Variants in ADAM12 observed in about 807,000 individuals in gnomAD.
ADAM12 encodes disintegrin and metalloproteinase domain-containing protein 12.
Under a neutral mutation model 106.4 loss-of-function variants are expected in ADAM12, and 70 were observed. The ratio of observed to expected loss-of-function variants is 0.66; its 90% CI spans 0.54 to 0.80. ADAM12 has a LOEUF of 0.80. Among genes scored for constraint, ADAM12 ranks in the 30% least tolerant of loss-of-function variants. The probability of loss-of-function intolerance (pLI) is 0.00; values close to 1 mark genes in which losing one functional copy is unlikely to be tolerated. For synonymous variants in ADAM12, 420 were observed against 433.5 expected, an observed-to-expected ratio of 0.97 and a Z score of 0.39; for missense variants, 1,010 against 1,171.9, an observed-to-expected ratio of 0.86 and a Z score of 2.02.
At position 126,024,504 on chromosome 10, in the gene ADAM12, C is replaced by T. The variant is rs757100251; in HGVS notation, c.2530-4679G>A. Among the ~76,000 whole-genome samples the T allele has an allele frequency of 3.6e-4, 55 of 151,966 alleles. 1 individual carries two copies. The highest frequency in any genetic ancestry group is 3.9e-4 in the Admixed American group (6 of 15,266). On this transcript the variant is annotated intron_variant, in intron 21 of 22. Transcript: ENST00000448723. The stretch of plus-strand genomic sequence containing the variant: ...AAAAAATATACACTACAAATTGGAA[C>T]CAGTGAGCAAGGTGTAAAGCAATGT...
chr10:126,072,624 G>A (rs894314606), intron 11 of ADAM12, among the ~76,000 whole-genome samples: 4 of 152,088 alleles, frequency 2.6e-5, no homozygotes, highest in African/African-American at 9.7e-5. Flanking sequence ...AGGAAAACAC[G>A]CTTCTAATAT....
chr10:126,147,880 G>A (rs1472099588), intron 4 of ADAM12, among the ~76,000 whole-genome samples: 1 of 152,210 alleles, frequency 6.6e-6, no homozygotes, highest in East Asian at 1.9e-4. Flanking sequence ...TGGTACCTGC[G>A]TAGTGCAGGT....
chr10:126,092,888 T>C (rs970135009), intron 11 of ADAM12, among the ~76,000 whole-genome samples: 2 of 152,226 alleles, frequency 1.3e-5, no homozygotes, highest in Non-Finnish European at 2.9e-5. Context: ...CTACAAACTA[T>C]TTCCCAGGAG....
chr10:126,105,065 G>A (rs1000833441), intron 8 of ADAM12, among the ~76,000 whole-genome samples: 3 of 152,276 alleles, frequency 2.0e-5, no homozygotes, highest in African/African-American at 7.2e-5. Flanking sequence ...GGACAGGGAT[G>A]TCAGGGCCAG....
chr10:126,047,733 A>G (rs1239838992), intron 16 of ADAM12, among the ~76,000 whole-genome samples: 2 of 152,234 alleles, frequency 1.3e-5, no homozygotes, highest in East Asian at 3.9e-4. Flanking sequence ...AAAACAGTGC[A>G]GTCGTTCCTC....
At chr10:126,154,530 T>C (rs1353475197) in intron 4 of ADAM12, among the ~76,000 whole-genome samples, 1 of 152,188 alleles carries the variant, frequency 6.6e-6, no homozygotes, top group Non-Finnish European at 1.5e-5. Context: ...AAAGCCTGCC[T>C]CAAGCTCATC....
chr10:126,118,007 C>T, intron 6 of ADAM12, 31 bp downstream of exon 6: 1 of 1,607,928 alleles, frequency 6.2e-7, no homozygotes, highest in Non-Finnish European at 8.5e-7. Flanking sequence ...TCCTAGCTTT[C>T]CAGAAACACA....
chr10:126,036,477 T>C (rs1237872936), intron 20 of ADAM12, 152 bp from the exon 21 acceptor site: 4 of 691,272 alleles, frequency 5.8e-6, no homozygotes, highest in Non-Finnish European at 8.6e-6. Flanking sequence ...AGGGGAATTA[T>C]TTTTGTATTT....
At chr10:126,147,284 A>G (rs757682729) in intron 4 of ADAM12, among the ~76,000 whole-genome samples, 4 of 152,078 alleles carry the variant, frequency 2.6e-5, no homozygotes, top group Non-Finnish European at 5.9e-5. Context: ...CTCTGCTGCT[A>G]TCTCCTCTCA....
At chr10:126,160,445 G>C (rs546612047) in intron 3 of ADAM12, among the ~76,000 whole-genome samples, 1 of 152,206 alleles carries the variant, frequency 6.6e-6, no homozygotes, top group Non-Finnish European at 1.5e-5. Flanking sequence ...CTATGAGCTG[G>C]AAAAACAGGC....
At chr10:126,274,467 C>A (rs1433038059) in intron 3 of ADAM12, among the ~76,000 whole-genome samples, 1 of 152,156 alleles carries the variant, frequency 6.6e-6, no homozygotes, top group Non-Finnish European at 1.5e-5. Flanking sequence ...GAACTTGCAA[C>A]ATTTATTTTT....
intron 1 of ADAM12, among the ~76,000 whole-genome samples, chr10:126,365,117 G>A (rs771346940): frequency 2.6e-4 from 40 of 152,088 alleles, no homozygotes; most frequent in Non-Finnish European, 4.3e-4. Context: ...AGTATGATTG[G>A]TGACTCTCAA....
intron 1 of ADAM12, among the ~76,000 whole-genome samples, chr10:126,386,681 A>C (rs2133944004): frequency 6.6e-6 from 1 of 152,356 alleles, no homozygotes; most frequent in African/African-American, 2.4e-5. Flanking sequence ...TTCCAAAAAA[A>C]AAATTTGTCC....
At chr10:126,158,076 G>A (rs1298758055) in intron 3 of ADAM12, among the ~76,000 whole-genome samples, 1 of 152,254 alleles carries the variant, frequency 6.6e-6, no homozygotes, top group African/African-American at 2.4e-5. Context: ...GGGAAGCAGA[G>A]AGGCGGGATG....
At chr10:126,335,901 G>A (rs975993253) in intron 1 of ADAM12, among the ~76,000 whole-genome samples, 40 of 152,094 alleles carry the variant, frequency 2.6e-4, no homozygotes, top group Non-Finnish European at 1.2e-4. Flanking sequence ...GTCTAATCAT[G>A]AGATAAATTC....
In ADAM12 at chr10:126,053,253, T is replaced by C. The variant is rs959526483; in HGVS notation, c.1610-3584A>G. Among the ~76,000 whole-genome samples, 1 of 152,140 alleles carries C rather than the reference T, an allele frequency of 6.6e-6. No individual in the cohort carries two copies. The highest frequency in any genetic ancestry group is 1.5e-5 in the Non-Finnish European group (1 of 68,010). ...TAAAGCCTGCAGAACCAAGAACCAATTAAACCTTTTTTCTTTATAAATTAC... is the reference window on the plus strand; with the variant it reads ...TAAAGCCTGCAGAACCAAGAACCAACTAAACCTTTTTTCTTTATAAATTAC... On this transcript the variant is annotated intron_variant, in intron 14 of 22. Coordinates refer to ENST00000448723, the MANE Select transcript of ADAM12 (RefSeq NM_001288973.2). The surrounding 1 kb of genome is among the most constrained non-coding windows in gnomAD (Gnocchi z 4.6).
chr10:126,275,805 T>C (rs1037435948), intron 3 of ADAM12, among the ~76,000 whole-genome samples: 5 of 152,170 alleles, frequency 3.3e-5, no homozygotes, highest in African/African-American at 1.2e-4. Flanking sequence ...ATAGTTTTTT[T>C]CCTTCAAAAG....
At chr10:126,232,960 G>A (rs1256402182) in intron 3 of ADAM12, among the ~76,000 whole-genome samples, 2 of 152,178 alleles carry the variant, frequency 1.3e-5, no homozygotes, top group African/African-American at 2.4e-5. Flanking sequence ...GCAGTAGGGA[G>A]AGTCGGTGGG....
chr10:126,127,458 A>G (rs1956224722), intron 5 of ADAM12, among the ~76,000 whole-genome samples: 1 of 152,190 alleles, frequency 6.6e-6, no homozygotes, highest in Non-Finnish European at 1.5e-5. Context: ...TGCACTACTT[A>G]CTGAGTACTT....
Sources: allele counts gnomAD v4.1 joint callset (sites outside exome capture counted in the v4.1 genomes callset), GRCh38; gene constraint gnomAD v4.1.1; non-coding constraint Gnocchi (gnomAD v3.1); transcripts MANE v1.5; gene names NCBI Gene and HGNC (gene_info 2026-07-23, HGNC 2026-07-21).